The following ZFHX4 variants were observed in gnomAD, a reference collection of about 807,000 sequenced individuals.
ZFHX4 encodes zinc finger homeobox protein 4.
A neutral mutation model predicts 267.6 loss-of-function variants in ZFHX4; 56 were observed. The ratio of observed to expected loss-of-function variants is 0.21; its 90% CI spans 0.17 to 0.26. The LOEUF is 0.26. ZFHX4 is among the 10% of genes least tolerant of loss of function. The probability of loss-of-function intolerance (pLI) is 1.00; values close to 1 mark genes in which losing one functional copy is unlikely to be tolerated. For missense variants in ZFHX4, 4,332 were observed against 4,420.0 expected, an observed-to-expected ratio of 0.98 and a Z score of 0.56; for synonymous variants, 1,778 against 1,665.6, an observed-to-expected ratio of 1.07 and a Z score of -1.64.
intron 4 of ZFHX4, among the ~76,000 whole-genome samples, chr8:76,821,388 C>G (rs1043504204): frequency 1.3e-5 from 2 of 152,168 alleles, no homozygotes; most frequent in Non-Finnish European, 2.9e-5. Flanking sequence ...GGTGTTTGCA[C>G]TCACACCATT....
At chr8:76,781,874 A>G (rs953408915) in intron 4 of ZFHX4, among the ~76,000 whole-genome samples, 1 of 152,044 alleles carries the variant, frequency 6.6e-6, no homozygotes, top group African/African-American at 2.4e-5. Flanking sequence ...TCCTAGCTGG[A>G]AAATTGTATA....
At chr8:76,756,904 G>A (rs1318278803) in intron 3 of ZFHX4, among the ~76,000 whole-genome samples, 1 of 151,952 alleles carries the variant, frequency 6.6e-6, no homozygotes, top group African/African-American at 2.4e-5. Context: ...AAAGGTTATT[G>A]TGTCTATTAT....
chr8:76,739,720 G>A (rs1292444886), intron 3 of ZFHX4, among the ~76,000 whole-genome samples: 1 of 152,068 alleles, frequency 6.6e-6, no homozygotes, highest in African/African-American at 2.4e-5. Flanking sequence ...TGCCTATCAC[G>A]AGTAAATGGA....
intron 5 of ZFHX4, 127 bp downstream of exon 5, chr8:76,833,533 C>G: frequency 1.5e-6 from 1 of 659,890 alleles, no homozygotes; most frequent in Non-Finnish European, 2.5e-6. Context: ...ATGCCTTATT[C>G]AAATAAGTAA....
chr8:76,744,659 C>T (rs1258288454), intron 3 of ZFHX4, among the ~76,000 whole-genome samples: 1 of 152,108 alleles, frequency 6.6e-6, no homozygotes, highest in Admixed American at 6.6e-5. Flanking sequence ...GTAATCCGTC[C>T]ATCTCGACCT....
chr8:76,750,407 C>T lies in ZFHX4; in HGVS notation c.3094-27801C>T, dbSNP rs966518517. Among the ~76,000 whole-genome samples the T allele has an allele frequency of 4.6e-5, 7 of 151,908 alleles. No homozygotes were observed. The East Asian group carries it at 7.7e-4, about 17-fold the overall frequency. ...AGATGCTAAACTGTGCTCATTTCAC[C>T]CTAAATGGAGTAAGAAGTAAATGTA... On this transcript the variant is annotated intron_variant, in intron 3 of 10. Coordinates refer to ENST00000651372, the MANE Select transcript of ZFHX4 (RefSeq NM_024721.5).
intron 4 of ZFHX4, among the ~76,000 whole-genome samples, chr8:76,782,406 C>T (rs146131646): frequency 2.0e-4 from 30 of 151,776 alleles, no homozygotes; most frequent in Middle Eastern, 3.4e-3. Context: ...TTTCTGTGAG[C>T]GTATTTAAAG....
At chr8:76,744,757 T>C (rs1809413842) in intron 3 of ZFHX4, among the ~76,000 whole-genome samples, 1 of 152,174 alleles carries the variant, frequency 6.6e-6, no homozygotes, top group African/African-American at 2.4e-5. Flanking sequence ...TAAAAAAATT[T>C]TTTTAGATAA....
At chr8:76,813,912 T>A (rs1314859060) in intron 4 of ZFHX4, among the ~76,000 whole-genome samples, 1 of 152,194 alleles carries the variant, frequency 6.6e-6, no homozygotes, top group African/African-American at 2.4e-5. Context: ...CTTTTGGACT[T>A]TATATTACAG....
At chr8:76,822,134 T>G (rs1258910959) in intron 4 of ZFHX4, among the ~76,000 whole-genome samples, 1 of 152,150 alleles carries the variant, frequency 6.6e-6, no homozygotes, top group Admixed American at 6.6e-5. Flanking sequence ...TCTCACTTGC[T>G]CCACCTGCAT....
At position 76,763,729 on chromosome 8, in the gene ZFHX4, T is replaced by G. The variant is rs373060936; in HGVS notation, c.3094-14479T>G. On this transcript the variant is annotated intron_variant, in intron 3 of 10. Coordinates refer to ENST00000651372, the MANE Select transcript of ZFHX4 (RefSeq NM_024721.5). ...AATCATAAATATTACAGTTGATTGT[T>G]GAGGAAAAAAGTAAAAAGAAAAAAT... 4.2e-3 allele frequency among the ~76,000 whole-genome samples: 640 copies of G among 152,200 alleles called. 5 individuals carry two copies. Among genetic ancestry groups the G allele is most frequent in the African/African-American group, 0.015 (603 of 41,532 alleles).
chr8:76,733,715 T>C (rs1253112376), intron 3 of ZFHX4, among the ~76,000 whole-genome samples: 1 of 152,186 alleles, frequency 6.6e-6, no homozygotes, highest in Admixed American at 6.6e-5. Context: ...TTCTCTTCCA[T>C]AAATGGCCCT....
intron 3 of ZFHX4, among the ~76,000 whole-genome samples, chr8:76,751,363 C>T (rs73231790): frequency 0.017 from 2,587 of 152,172 alleles, 79 homozygotes; most frequent in African/African-American, 0.057. Flanking sequence ...GCTTAAAAGC[C>T]AGGAAAGAAT....
rs1180650260 is a variant in ZFHX4 at position 76,828,542 on chromosome 8, T to A, written c.3326-4796T>A. On this transcript the variant is annotated intron_variant, in intron 4 of 10. Coordinates refer to ENST00000651372, the MANE Select transcript of ZFHX4 (RefSeq NM_024721.5). ...AAATGCAGGATACATGCCTAGCACC[T>A]AACAAGTTTCCAAAAATGATCATTA... 2.6e-5 allele frequency among the ~76,000 whole-genome samples: 4 copies of A among 152,346 alleles called. No individual in the cohort carries two copies. In the East Asian group the frequency reaches 7.7e-4, roughly 29 times the overall value.
In ZFHX4 at chr8:76,850,316, G is replaced by T. The variant is rs367726066; in HGVS notation, c.3918G>T (p.Arg1306=). The T allele has an allele frequency of 4.3e-6, 7 of 1,612,894 alleles. No individual in the cohort carries two copies. The African/African-American group carries it at 8.0e-5, about 18-fold the overall frequency. The change falls in exon 9 of 11, where the codon CGG becomes CGT. Residue 1306 remains arginine (R), a synonymous_variant. Coordinates refer to ENST00000651372, the MANE Select transcript of ZFHX4 (RefSeq NM_024721.5). ...CAGCTGCCTCTGAGAAATCAGAGCG[G>T]GACACACCTGCAGCCGTGACAGCTG... ...LPAAASEKSE[R]DTPAAVTAEG...
intron 1 of ZFHX4, 108 bp from the exon 2 acceptor site, chr8:76,703,935 C>A: frequency 1.2e-6 from 1 of 820,836 alleles, no homozygotes; most frequent in Non-Finnish European, 1.9e-6. Flanking sequence ...TTTCCCCTTA[C>A]CTTTTTAGAT....
chr8:76,685,012 A>T (rs1807656159), intron 1 of ZFHX4, among the ~76,000 whole-genome samples: 1 of 152,186 alleles, frequency 6.6e-6, no homozygotes, highest in Non-Finnish European at 1.5e-5. Flanking sequence ...CAAGGGTTTA[A>T]TGTTGCATTT....
chr8:76,824,093 A>G (rs775773213), intron 4 of ZFHX4, among the ~76,000 whole-genome samples: 1 of 152,236 alleles, frequency 6.6e-6, no homozygotes, highest in Non-Finnish European at 1.5e-5. Flanking sequence ...CAACATATTA[A>G]TAGATCAGTT....
chr8:76,858,176 C>T (rs138739980), intron 10 of ZFHX4, among the ~76,000 whole-genome samples: 1 of 152,220 alleles, frequency 6.6e-6, no homozygotes, highest in Non-Finnish European at 1.5e-5. Flanking sequence ...GATATGGGCG[C>T]CCAGAGGGCC....
Sources: allele counts gnomAD v4.1 joint callset (sites outside exome capture counted in the v4.1 genomes callset), GRCh38; gene constraint gnomAD v4.1.1; transcripts MANE v1.5; gene names NCBI Gene and HGNC (gene_info 2026-07-23, HGNC 2026-07-21).